Variants in BCO1 observed in about 807,000 individuals in gnomAD.
BCO1 encodes the protein beta-carotene oxygenase 1, also known as beta,beta-carotene 15,15'-dioxygenase.
BCO1 carries 54 observed loss-of-function variants against 56.3 expected under a neutral mutation model. That is an observed-to-expected ratio of 0.96 (90% CI 0.77 to 1.20). BCO1 has a LOEUF of 1.20. Among genes scored for constraint, BCO1 ranks in the 50% most tolerant of loss-of-function variants. The pLI is 0.00. For missense variants in BCO1, 801 were observed against 690.9 expected (o/e 1.16, Z -1.79); for synonymous variants, 318 against 266.1 (o/e 1.20, Z -1.90).
chr16:81,251,448 A>G (rs1291926678), intron 2 of BCO1, among the ~76,000 whole-genome samples: 2 of 152,004 alleles, frequency 1.3e-5, no homozygotes, highest in African/African-American at 2.4e-5. Flanking sequence ...TAGTCCCAGC[A>G]TCTTAGGAGA....
intron 7 of BCO1, among the ~76,000 whole-genome samples, chr16:81,274,867 A>G (rs1907458566): frequency 6.6e-6 from 1 of 151,614 alleles, no homozygotes; most frequent in South Asian, 2.1e-4. Context: ...CCGCCACTGC[A>G]CTCCAGCATG....
intron 9 of BCO1, among the ~76,000 whole-genome samples, chr16:81,287,000 G>A (rs960758768): frequency 7.2e-5 from 11 of 152,102 alleles, no homozygotes; most frequent in Non-Finnish European, 1.3e-4. Flanking sequence ...ACTTGAACCC[G>A]GGAGGCCGAG....
At chr16:81,250,120 TGAG>T (rs1188694516) in intron 2 of BCO1, among the ~76,000 whole-genome samples, 1 of 152,174 alleles carries the variant, frequency 6.6e-6, no homozygotes, top group African/African-American at 2.4e-5. Context: ...CCGTCACTCC[TGAG>T]GAGGATAGCC....
intron 10 of BCO1, among the ~76,000 whole-genome samples, chr16:81,289,901 G>C (rs189380305): frequency 6.6e-6 from 1 of 152,116 alleles, no homozygotes; most frequent in African/African-American, 2.4e-5. Flanking sequence ...GTTTCACTCC[G>C]TCACCCAGGC....
intron 6 of BCO1, 24 bp downstream of exon 6, chr16:81,268,155 C>T: frequency 6.3e-7 from 1 of 1,592,660 alleles, no homozygotes; most frequent in Non-Finnish European, 8.5e-7. Flanking sequence ...GGACTCTAGC[C>T]CAGTGGGTGC....
chr16:81,275,425 A>T (rs1907495401), intron 7 of BCO1, among the ~76,000 whole-genome samples: 1 of 152,234 alleles, frequency 6.6e-6, no homozygotes, highest in Admixed American at 6.5e-5. Context: ...AGAACCTCCA[A>T]GGTCAGGGAT....
intron 8 of BCO1, among the ~76,000 whole-genome samples, chr16:81,285,235 C>G (rs552503415): frequency 6.6e-6 from 1 of 152,304 alleles, no homozygotes; most frequent in African/African-American, 2.4e-5. Context: ...TTGCAGTAGC[C>G]TCTGATTTTA....
At chr16:81,265,482 C>A (rs9932211) in intron 5 of BCO1, among the ~76,000 whole-genome samples, 1 of 108,786 alleles carries the variant, frequency 9.2e-6, no homozygotes, top group Non-Finnish European at 1.9e-5. Context: ...TACCCACCCA[C>A]CCGCCCACCC....
At chr16:81,257,694 G>A (rs1335487328) in intron 2 of BCO1, among the ~76,000 whole-genome samples, 1 of 151,824 alleles carries the variant, frequency 6.6e-6, no homozygotes, top group African/African-American at 2.4e-5. Flanking sequence ...TGACCAACAT[G>A]GCAAAACCCT....
intron 7 of BCO1, among the ~76,000 whole-genome samples, chr16:81,277,640 C>T (rs964911106): frequency 2.6e-5 from 4 of 152,146 alleles, no homozygotes; most frequent in African/African-American, 9.7e-5. Context: ...AAAACCACAG[C>T]GTTGAATTTC....
At chr16:81,256,218 C>T (rs948001291) in intron 2 of BCO1, among the ~76,000 whole-genome samples, 1 of 152,004 alleles carries the variant, frequency 6.6e-6, no homozygotes, top group African/African-American at 2.4e-5. Context: ...GTGCCCAGCA[C>T]AGTGTTTAGC....
intron 6 of BCO1, among the ~76,000 whole-genome samples, chr16:81,269,333 T>C (rs1044422091): frequency 1.2e-4 from 18 of 151,326 alleles, no homozygotes; most frequent in African/African-American, 4.1e-4. Context: ...AGTCTCACTC[T>C]GTCACCCAGG....
chr16:81,244,647 C>T (rs954862047), intron 1 of BCO1, among the ~76,000 whole-genome samples: 3 of 152,024 alleles, frequency 2.0e-5, no homozygotes, highest in African/African-American at 7.2e-5. Flanking sequence ...CACCCTCCTG[C>T]TCTCAGCCCA....
At chr16:81,240,716 T>TA (rs766252021) in intron 1 of BCO1, among the ~76,000 whole-genome samples, 4 of 150,380 alleles carry the variant, frequency 2.7e-5, no homozygotes, top group African/African-American at 4.9e-5. Context: ...AATAAATAAA[T>TA]AAAAAAAAAC....
At chr16:81,261,870 T>C (rs1052134132) in intron 3 of BCO1, 17 of 388,338 alleles carry the variant, frequency 4.4e-5, no homozygotes, top group Non-Finnish European at 6.4e-5. Flanking sequence ...GCCTCCCGAG[T>C]AGCTGGGACT....
At chr16:81,258,591 G>A (rs1469376602) in intron 2 of BCO1, among the ~76,000 whole-genome samples, 2 of 152,318 alleles carry the variant, frequency 1.3e-5, no homozygotes, top group Middle Eastern at 3.4e-3. Flanking sequence ...TCCCTGGAGG[G>A]ACACAAACAG....
intron 4 of BCO1, 49 bp downstream of exon 4, chr16:81,262,332 G>C (rs1906539701): frequency 6.3e-7 from 1 of 1,590,236 alleles, no homozygotes; most frequent in Non-Finnish European, 8.6e-7. Flanking sequence ...AAGAAAGGGA[G>C]AGTCGGCGAC....
chr16:81,258,243 A>T (rs2151934719), intron 2 of BCO1, among the ~76,000 whole-genome samples: 1 of 152,302 alleles, frequency 6.6e-6, no homozygotes, highest in South Asian at 2.1e-4. Flanking sequence ...GTGAGGGGTA[A>T]GTCGTTACAG....
rs141313616 is a variant in BCO1, at chr16:81,256,161, T to C, written c.194-3515T>C. 1.2e-4 allele frequency among the ~76,000 whole-genome samples: 19 copies of C among 152,118 alleles called. 1 individual carries two copies. Among genetic ancestry groups the C allele is most frequent in the Middle Eastern group, 3.4e-3 (1 of 294 alleles). On this transcript the variant is annotated intron_variant, in intron 2 of 10. Transcript: ENST00000258168. The stretch of plus-strand genomic sequence containing the variant: ...GAATGCATTTCTGGTTGGAGTATTC[T>C]ACTTGCTTCCAGTGTTGTGAGTATG...
Sources: allele counts gnomAD v4.1 joint callset (sites outside exome capture counted in the v4.1 genomes callset), GRCh38; gene constraint gnomAD v4.1.1; transcripts MANE v1.5; gene names NCBI Gene and HGNC (gene_info 2026-07-23, HGNC 2026-07-21).